The following SHCBP1 variants were observed in gnomAD, a reference collection of about 807,000 sequenced individuals.
The protein encoded by SHCBP1 is SHC binding and spindle associated 1.
Under a neutral mutation model 75.1 loss-of-function variants are expected in SHCBP1, and 60 were observed. The observed-to-expected ratio is 0.80, with a 90% CI of 0.65 to 0.99. SHCBP1 has a LOEUF of 0.99. SHCBP1 is among the 50% of genes least tolerant of loss of function. SHCBP1 has a pLI of 0.00. For missense variants in SHCBP1, 709 were observed against 809.4 expected, an observed-to-expected ratio of 0.88 and a Z score of 1.50; for synonymous variants, 290 against 293.2, an observed-to-expected ratio of 0.99 and a Z score of 0.11.
Position 46,581,956 on chromosome 16 carries a change from G to C in SHCBP1, c.1792C>G (p.Leu598Val). The C allele has an allele frequency of 6.2e-7, 1 of 1,614,094 alleles. No homozygotes were observed. The highest frequency in any genetic ancestry group is 8.5e-7 in the Non-Finnish European group (1 of 1,180,034). Residue 598 changes from leucine to valine, a missense_variant, in exon 13 of 13, where the codon CTT becomes GTT. Coordinates refer to ENST00000303383, the MANE Select transcript of SHCBP1 (RefSeq NM_024745.5). ...LIECATGKME[L>V]CARTDPSEQV... ...TCAGAAGGGTCAGTTCTTGCACAAA[G>C]CTCCATTTTACCAGTTGCACACTCA...
rs1964826385 is a variant in SHCBP1, at chr16:46,578,608, A to G, written c.*3121T>C. Reference sequence around the variant, plus strand: ...TACACCTGTTTTGTTTTTAAAATATATATTTTTTTCTATTAATAGTGAGAA... The same window carrying G: ...TACACCTGTTTTGTTTTTAAAATATGTATTTTTTTCTATTAATAGTGAGAA... On this transcript the variant is annotated 3_prime_UTR_variant, in exon 13 of 13. Coordinates refer to ENST00000303383, the MANE Select transcript of SHCBP1 (RefSeq NM_024745.5). Among the ~76,000 whole-genome samples the G allele has an allele frequency of 6.6e-6, 1 of 152,152 alleles. No individual in the cohort carries two copies. Among genetic ancestry groups the G allele is most frequent in the South Asian group, 2.1e-4 (1 of 4,832 alleles).
chr16:46,603,604 A>G lies in SHCBP1; in HGVS notation c.1148T>C (p.Ile383Thr). Residue 383 changes from isoleucine (I) to threonine (T), a missense_variant, in exon 8 of 13, where the codon ATT (isoleucine) becomes ACT (threonine). Transcript: ENST00000303383. ...TACCACATAATGGCCAGGACAAACA[A>G]TAACAGTGTCACCTTCGAAGCAGGC... ...INACFEGDTV[I>T]VCPGHYVVHG... is the part of the protein sequence containing the mutation. The G allele has an allele frequency of 1.2e-6, 2 of 1,614,226 alleles. No homozygotes were observed. The highest frequency in any genetic ancestry group is 1.7e-6 in the Non-Finnish European group (2 of 1,180,038).
intron 5 of SHCBP1, among the ~76,000 whole-genome samples, chr16:46,607,333 AAC>A (rs1379373097): frequency 6.6e-6 from 1 of 152,158 alleles, no homozygotes; most frequent in Non-Finnish European, 1.5e-5. Flanking sequence ...CAGCCTGGGC[AAC>A]AGAGTGAGAG....
In SHCBP1 at chr16:46,604,326, G is replaced by A. The variant is rs746847497; in HGVS notation, c.825C>T (p.Ser275=). ...CCACCATGGAGATATTTTCCTGCTC[G>A]GAATCAGAGTTACAATTTGACAAAC... ...RSSLSNCNSD[S]EQENISMVEG... Residue 275 remains serine (S), a synonymous_variant, in exon 6 of 13, where the codon TCC becomes TCT. Transcript: ENST00000303383. 28 of 1,614,104 alleles carry A rather than the reference G, an allele frequency of 1.7e-5. No individual in the cohort carries two copies. The highest frequency in any genetic ancestry group is 4.4e-5 in the South Asian group (4 of 91,072).
chr16:46,592,249 C>T (rs764944915), intron 10 of SHCBP1, among the ~76,000 whole-genome samples: 8 of 152,000 alleles, frequency 5.3e-5, no homozygotes, highest in Admixed American at 1.3e-4. Flanking sequence ...AAACTACCAA[C>T]ATCAAGCATG....
rs778101389 is a variant in SHCBP1, at chr16:46,579,823, G to A, written c.*1906C>T. On this transcript the variant is annotated 3_prime_UTR_variant, in exon 13 of 13. Transcript: ENST00000303383. ...GGTGGCTGTCATACCAGCTACTTGG[G>A]AGGCTGAGGCATGAGAATCACTTGA... is the stretch of plus-strand genomic sequence containing the variant. Among the ~76,000 whole-genome samples, 1 of 152,148 alleles carries A rather than the reference G, an allele frequency of 6.6e-6. No individual in the cohort carries two copies. The highest frequency in any genetic ancestry group is 2.4e-5 in the African/African-American group (1 of 41,434).
chr16:46,593,416 G>A (rs1490877222), intron 10 of SHCBP1, among the ~76,000 whole-genome samples: 2 of 152,130 alleles, frequency 1.3e-5, no homozygotes, highest in Non-Finnish European at 2.9e-5. Flanking sequence ...ATGCTGAAGA[G>A]TACACAATGC....
At chr16:46,612,712 T>C (rs980324056) in intron 4 of SHCBP1, among the ~76,000 whole-genome samples, 2 of 152,172 alleles carry the variant, frequency 1.3e-5, no homozygotes, top group Non-Finnish European at 2.9e-5. Context: ...CCTTCCACCT[T>C]TTCCACCTGG....
At chr16:46,617,441 T>C (rs575086990) in intron 3 of SHCBP1, among the ~76,000 whole-genome samples, 193 bp downstream of exon 3, 1 of 152,338 alleles carries the variant, frequency 6.6e-6, no homozygotes, top group African/African-American at 2.4e-5. Flanking sequence ...ACCAGTTTAA[T>C]TCCCTGGTAA....
At chr16:46,618,393 T>C in intron 1 of SHCBP1, 21 bp from the exon 2 acceptor site, 7 of 1,561,024 alleles carry the variant, frequency 4.5e-6, no homozygotes, top group Non-Finnish European at 6.0e-6. Flanking sequence ...AAAGCAAAAA[T>C]AAGCAAGCTC....
chr16:46,618,587 T>C (rs1311266965), intron 1 of SHCBP1, among the ~76,000 whole-genome samples: 2 of 152,202 alleles, frequency 1.3e-5, no homozygotes, highest in African/African-American at 4.8e-5. Flanking sequence ...GCTTAAGATC[T>C]TTCACAGTTA....
chr16:46,619,475 G>A (rs1486009021), intron 1 of SHCBP1, among the ~76,000 whole-genome samples: 1 of 152,052 alleles, frequency 6.6e-6, no homozygotes, highest in Non-Finnish European at 1.5e-5. Flanking sequence ...CACAAACACT[G>A]ATGCACATGA....
intron 9 of SHCBP1, among the ~76,000 whole-genome samples, chr16:46,597,065 A>C (rs1014270610): frequency 3.9e-5 from 6 of 152,186 alleles, no homozygotes; most frequent in Admixed American, 1.3e-4. Flanking sequence ...CTCATACTCC[A>C]GAGATATTGC....
At position 46,581,721 on chromosome 16, in the gene SHCBP1, C is replaced by T; in HGVS notation, c.*8G>A. The T allele has an allele frequency of 1.2e-6, 2 of 1,608,826 alleles. No homozygotes were observed. The highest frequency in any genetic ancestry group is 1.1e-5 in the South Asian group (1 of 90,186). ...CCAGTATTTTGCTATCTACTTACAT[C>T]ACTGTAGTCAGAAAAGAAATGTGCC... On this transcript the variant is annotated 3_prime_UTR_variant, in exon 13 of 13. Transcript: ENST00000303383.
chr16:46,614,403 T>C (rs1483049918), intron 4 of SHCBP1, among the ~76,000 whole-genome samples: 1 of 152,236 alleles, frequency 6.6e-6, no homozygotes, highest in East Asian at 1.9e-4. Flanking sequence ...CCTGAAGGAA[T>C]ATGGGTCTAT....
intron 10 of SHCBP1, among the ~76,000 whole-genome samples, chr16:46,586,906 G>A (rs1172557525): frequency 6.6e-6 from 1 of 151,826 alleles, no homozygotes; most frequent in Non-Finnish European, 1.5e-5. Flanking sequence ...AGGAAAAATA[G>A]GAAAATTTGT....
chr16:46,614,833 A>G (rs1965470705), intron 4 of SHCBP1, among the ~76,000 whole-genome samples: 1 of 152,230 alleles, frequency 6.6e-6, no homozygotes, highest in Admixed American at 6.5e-5. Flanking sequence ...GTTTATAAAT[A>G]TATACAAACC....
intron 10 of SHCBP1, among the ~76,000 whole-genome samples, chr16:46,587,133 G>A (rs1964965922): frequency 1.3e-5 from 2 of 152,222 alleles, no homozygotes; most frequent in South Asian, 2.1e-4. Context: ...GGTTCTAGAT[G>A]TACGTACATA....
rs1161372409 is a variant in SHCBP1, at chr16:46,604,375, C to A, written c.776G>T (p.Arg259Met). The A allele has an allele frequency of 6.2e-7, 1 of 1,614,174 alleles. No homozygotes were observed. Among genetic ancestry groups the A allele is most frequent in the Non-Finnish European group, 8.5e-7 (1 of 1,180,020 alleles). Residue 259 changes from arginine to methionine, a missense_variant, in exon 6 of 13, where the codon AGG becomes ATG. By Grantham distance (91) the Arg-to-Met change is moderately conservative. Transcript: ENST00000303383. Reference sequence around the variant, plus strand: ...ACTGCTTCTCAGATTTAAAAATTTCCTGTAACTCTCCTCACATTGAGACAA... The same window carrying A: ...ACTGCTTCTCAGATTTAAAAATTTCATGTAACTCTCCTCACATTGAGACAA... ...NLLSQCEESY[R>M]KFLNLRSSLS...
Sources: allele counts gnomAD v4.1 joint callset (sites outside exome capture counted in the v4.1 genomes callset), GRCh38; gene constraint gnomAD v4.1.1; transcripts MANE v1.5; gene names NCBI Gene and HGNC (gene_info 2026-07-23, HGNC 2026-07-21).